Variants in PRKN observed in about 807,000 individuals in gnomAD.
PRKN encodes E3 ubiquitin-protein ligase parkin.
PRKN carries 56 observed loss-of-function variants against 59.5 expected under a neutral mutation model. That is an observed-to-expected ratio of 0.94 (90% CI 0.76 to 1.18). The LOEUF (loss-of-function observed/expected upper bound fraction) is 1.18, where lower values mean the gene tolerates loss of function less well. PRKN is among the 50% of genes most tolerant of loss of function. The pLI, the probability that PRKN is intolerant of heterozygous loss-of-function variation, is 0.00. For synonymous variants in PRKN, 250 were observed against 222.1 expected (o/e 1.13, Z -1.12); for missense variants, 657 against 596.4 (o/e 1.10, Z -1.06).
intron 1 of PRKN, among the ~76,000 whole-genome samples, chr6:162,545,644 TA>T (rs952436330): frequency 2.6e-5 from 4 of 152,282 alleles, no homozygotes; most frequent in African/African-American, 9.6e-5. Flanking sequence ...ATAGTATTTT[TA>T]AAAAATTATA....
chr6:162,478,281 C>T (rs1792124920), intron 1 of PRKN, among the ~76,000 whole-genome samples: 1 of 152,180 alleles, frequency 6.6e-6, no homozygotes, highest in Non-Finnish European at 1.5e-5. Flanking sequence ...ACAGTTATCA[C>T]TGTTGAAAGT....
chr6:162,014,068 G>T (rs1782838281), intron 5 of PRKN, among the ~76,000 whole-genome samples: 1 of 152,072 alleles, frequency 6.6e-6, no homozygotes, highest in South Asian at 2.1e-4. Context: ...CCCTGGCTGG[G>T]CACTGCTACC....
chr6:161,566,488 C>A lies in PRKN; in HGVS notation c.933+2867G>T, dbSNP rs560128698. ...TTGGCACGATATTGGCTCACTGCAA[C>A]CTCCGCCTCCCAGGCTCAAGCAATT... On this transcript the variant is annotated intron_variant, in intron 8 of 11. Transcript: ENST00000366898. The surrounding 1 kb of genome is among the most constrained non-coding windows in gnomAD (Gnocchi z 4.1). Among the ~76,000 whole-genome samples the A allele has an allele frequency of 1.9e-4, 29 of 152,304 alleles. No homozygotes were observed. In the South Asian group the frequency reaches 4.4e-3, roughly 23 times the overall value.
At chr6:162,632,574 T>C (rs1426102123) in intron 1 of PRKN, among the ~76,000 whole-genome samples, 1 of 152,078 alleles carries the variant, frequency 6.6e-6, no homozygotes. Context: ...ATAGGATCCA[T>C]ACCCTGAACT....
Position 162,283,854 on chromosome 6 carries a change from G to A in PRKN, c.172-21089C>T, listed in dbSNP as rs978660139. 2.0e-5 allele frequency among the ~76,000 whole-genome samples: 3 copies of A among 152,150 alleles called. No homozygotes were observed. The East Asian group carries it at 5.8e-4, about 29-fold the overall frequency. On this transcript the variant is annotated intron_variant, in intron 2 of 11. Coordinates refer to ENST00000366898, the MANE Select transcript of PRKN (RefSeq NM_004562.3). Reference sequence around the variant, plus strand: ...TTAGATCCTGACCCCTGCTTGATGTGTTAAGCTCAGTGTCCTCTATCTGAA... The same window carrying A: ...TTAGATCCTGACCCCTGCTTGATGTATTAAGCTCAGTGTCCTCTATCTGAA...
At chr6:162,289,779 C>T (rs1365765349) in intron 2 of PRKN, among the ~76,000 whole-genome samples, 1 of 152,066 alleles carries the variant, frequency 6.6e-6, no homozygotes, top group African/African-American at 2.4e-5. Context: ...AGGTACCTTA[C>T]TGGAGGGCAG....
At chr6:162,634,305 C>T (rs1777627569) in intron 1 of PRKN, among the ~76,000 whole-genome samples, 1 of 152,078 alleles carries the variant, frequency 6.6e-6, no homozygotes, top group African/African-American at 2.4e-5. Context: ...GTTTCTCCCT[C>T]CTCCTCCTCT....
In PRKN at chr6:161,575,055, G is replaced by A. The variant is rs901531634; in HGVS notation, c.872-5639C>T. Among the ~76,000 whole-genome samples the A allele has an allele frequency of 3.3e-5, 5 of 152,064 alleles. No homozygotes were observed. Among genetic ancestry groups the A allele is most frequent in the African/African-American group, 7.2e-5 (3 of 41,392 alleles). On this transcript the variant is annotated intron_variant, in intron 7 of 11. Coordinates refer to ENST00000366898, the MANE Select transcript of PRKN (RefSeq NM_004562.3). This position sits in a 1 kb window ranked among gnomAD's most constrained non-coding sequence, Gnocchi z 4.6. ...GCTCACAAGTTTGTGCTCTTCTGTC[G>A]TGTTTTTCCTCTAGTTATTAAACCC...
At chr6:161,686,754 A>C (rs982583425) in intron 7 of PRKN, among the ~76,000 whole-genome samples, 6 of 152,060 alleles carry the variant, frequency 3.9e-5, no homozygotes, top group African/African-American at 1.4e-4. Flanking sequence ...TGTTCCTTTG[A>C]CTTCAAACAC....
intron 6 of PRKN, among the ~76,000 whole-genome samples, chr6:161,953,450 G>A (rs1780059924): frequency 6.6e-6 from 1 of 152,086 alleles, no homozygotes; most frequent in Non-Finnish European, 1.5e-5. Context: ...TATCCAATAG[G>A]AAATTTAGGG....
chr6:162,382,518 T>C (rs1325215263), intron 2 of PRKN, among the ~76,000 whole-genome samples: 1 of 152,204 alleles, frequency 6.6e-6, no homozygotes, highest in Non-Finnish European at 1.5e-5. Context: ...GCATACAAAC[T>C]TTAATTTAAA....
chr6:161,556,508 A>G (rs1472680698), intron 8 of PRKN, among the ~76,000 whole-genome samples: 1 of 152,218 alleles, frequency 6.6e-6, no homozygotes, highest in Non-Finnish European at 1.5e-5. Flanking sequence ...TATAATCCAC[A>G]GTTTTCATAG....
In PRKN at chr6:161,530,586, G is replaced by A. The variant is rs1422370543; in HGVS notation, c.1083+18268C>T. 6.6e-6 allele frequency among the ~76,000 whole-genome samples: 1 copy of A among 150,492 alleles called. No individual in the cohort carries two copies. Among genetic ancestry groups the A allele is most frequent in the African/African-American group, 2.5e-5 (1 of 40,796 alleles). Reference sequence around the variant, plus strand: ...GGCTGGAGTGCAATGGCATGATCTCGGCTCACCGCAACCTCCACCTCCCAG... The same window carrying A: ...GGCTGGAGTGCAATGGCATGATCTCAGCTCACCGCAACCTCCACCTCCCAG... On this transcript the variant is annotated intron_variant, in intron 9 of 11. Transcript: ENST00000366898. This position sits in a 1 kb window ranked among gnomAD's most constrained non-coding sequence, Gnocchi z 5.0.
At chr6:162,036,053 G>A (rs1211816521) in intron 5 of PRKN, among the ~76,000 whole-genome samples, 9 of 152,196 alleles carry the variant, frequency 5.9e-5, no homozygotes, top group South Asian at 2.1e-4. Flanking sequence ...GGCCGGGCGC[G>A]GTGGCTCACG....
At chr6:162,375,115 T>C (rs1438206755) in intron 2 of PRKN, among the ~76,000 whole-genome samples, 2 of 152,130 alleles carry the variant, frequency 1.3e-5, no homozygotes, top group African/African-American at 2.4e-5. Flanking sequence ...GAGTCTATTA[T>C]GAGGGATGCA....
rs1787883556 is a variant in PRKN at position 161,417,037 on chromosome 6, T to C, written c.1084-30160A>G. On this transcript the variant is annotated intron_variant, in intron 9 of 11. Transcript: ENST00000366898. The surrounding 1 kb of genome is among the most constrained non-coding windows in gnomAD (Gnocchi z 5.4). The stretch of plus-strand genomic sequence containing the variant: ...ATGGGGCCGAGGAAGGAGTAGGAGG[T>C]GTGGCTATGCTAGCTCATGCTCACC... Among the ~76,000 whole-genome samples the C allele has an allele frequency of 6.6e-6, 1 of 152,010 alleles. No individual in the cohort carries two copies. The highest frequency in any genetic ancestry group is 6.5e-5 in the Admixed American group (1 of 15,276).
At chr6:162,553,037 C>G (rs1195857971) in intron 1 of PRKN, among the ~76,000 whole-genome samples, 1 of 151,934 alleles carries the variant, frequency 6.6e-6, no homozygotes, top group Non-Finnish European at 1.5e-5. Flanking sequence ...GATGCTGTCT[C>G]AGGGGAGGAA....
At chr6:162,548,972 TTCCCATCATATCG>T (rs35609830) in intron 1 of PRKN, among the ~76,000 whole-genome samples, 13,734 of 152,154 alleles carry the variant, frequency 0.09, 672 homozygotes, top group South Asian at 0.17. Flanking sequence ...GTAAAGGGAT[TTCCCATCATATCG>T]TTCCATCTGA....
chr6:161,725,411 A>G (rs1473348309), intron 7 of PRKN, among the ~76,000 whole-genome samples: 1 of 152,202 alleles, frequency 6.6e-6, no homozygotes, highest in Non-Finnish European at 1.5e-5. Flanking sequence ...GTGGGGAATC[A>G]TTTATCTTCA....
Sources: allele counts gnomAD v4.1 joint callset (sites outside exome capture counted in the v4.1 genomes callset), GRCh38; gene constraint gnomAD v4.1.1; non-coding constraint Gnocchi (gnomAD v3.1); transcripts MANE v1.5; gene names NCBI Gene and HGNC (gene_info 2026-07-23, HGNC 2026-07-21).